TRAF5: variants seen among roughly 807,000 people sequenced by gnomAD.
TRAF5 encodes TNF receptor associated factor 5, also known as TNF receptor-associated factor 5.
TRAF5 carries 48 observed loss-of-function variants against 64.5 expected under a neutral mutation model. That is an observed-to-expected ratio of 0.74 (90% confidence interval 0.59 to 0.95). The LOEUF is 0.95. TRAF5 is among the 40% of genes least tolerant of loss of function. The probability of loss-of-function intolerance (pLI) is 0.00; values close to 1 mark genes in which losing one functional copy is unlikely to be tolerated. For missense variants in TRAF5, 545 were observed against 662.8 expected (o/e 0.82, Z 1.95); for synonymous variants, 206 against 240.5 (o/e 0.86, Z 1.33).
chr1:211,367,030 G>A (rs1483237035), intron 8 of TRAF5, among the ~76,000 whole-genome samples: 1 of 152,092 alleles, frequency 6.6e-6, no homozygotes, highest in African/African-American at 2.4e-5. Flanking sequence ...CACCCAGGCT[G>A]GAGTACACTG....
chr1:211,331,951 G>C (rs1163067001), intron 1 of TRAF5, among the ~76,000 whole-genome samples: 1 of 152,222 alleles, frequency 6.6e-6, no homozygotes, highest in African/African-American at 2.4e-5. Context: ...ACAGGTGTGA[G>C]CCACTGCACC....
intron 1 of TRAF5, among the ~76,000 whole-genome samples, chr1:211,344,845 C>G (rs964085946): frequency 2.0e-5 from 3 of 152,076 alleles, no homozygotes; most frequent in Non-Finnish European, 2.9e-5. Context: ...CCTCGACCTC[C>G]CAGGCCCAAG....
intron 5 of TRAF5, 81 bp downstream of exon 5, chr1:211,360,157 A>G: frequency 1.5e-6 from 2 of 1,375,704 alleles, no homozygotes; most frequent in South Asian, 2.6e-5. Flanking sequence ...GTGGAATGCC[A>G]GAAGAACATT....
chr1:211,352,461 A>AAT (rs1702816911), intron 1 of TRAF5, among the ~76,000 whole-genome samples: 2 of 143,510 alleles, frequency 1.4e-5, no homozygotes, highest in South Asian at 2.2e-4. Flanking sequence ...AAAAAAAAAA[A>AAT]GTTTTTTTTT....
At chr1:211,339,077 T>C (rs748220933) in intron 1 of TRAF5, among the ~76,000 whole-genome samples, 3 of 152,172 alleles carry the variant, frequency 2.0e-5, no homozygotes, top group Non-Finnish European at 4.4e-5. Context: ...TGTAGAGCAC[T>C]GGCTTCGGAG....
In TRAF5 at chr1:211,372,619, G is replaced by C. The variant is rs770481069; in HGVS notation, c.1591G>C (p.Glu531Gln). Residue 531 changes from glutamate to glutamine, a missense_variant, in exon 11 of 11, where the codon GAG (glutamate) becomes CAG (glutamine). Physicochemically the swap from Glu to Gln is conservative, Grantham distance 29 (BLOSUM62 2). Coordinates refer to ENST00000261464, the MANE Select transcript of TRAF5 (RefSeq NM_001033910.3). ...CPRFVAHSVL[E>Q]NAKNAYIKDD... ...CCGCTTTGTGGCTCATTCTGTTTTG[G>C]AGAATGCCAAGAACGCCTACATTAA... 9 of 1,614,058 alleles carry C rather than the reference G, an allele frequency of 5.6e-6. No homozygotes were observed. The highest frequency in any genetic ancestry group is 7.6e-6 in the Non-Finnish European group (9 of 1,180,036).
At chr1:211,326,676 A>G, upstream of TRAF5, 3 of 986,096 alleles carry the variant, frequency 3.0e-6, no homozygotes, top group South Asian at 1.4e-4. This position sits in a 1 kb window ranked among gnomAD's most constrained non-coding sequence, Gnocchi z 5.0. Context: ...TGAAGCGGGT[A>G]GGTTAGCTTT....
At chr1:211,329,500 A>C (rs944385528) in intron 1 of TRAF5, among the ~76,000 whole-genome samples, 4 of 152,210 alleles carry the variant, frequency 2.6e-5, no homozygotes, top group South Asian at 2.1e-4. Flanking sequence ...GAGGCTCAGA[A>C]GTGATTTGAA....
chr1:211,362,162 C>T (rs566220086), intron 7 of TRAF5, among the ~76,000 whole-genome samples: 1 of 152,132 alleles, frequency 6.6e-6, no homozygotes, highest in African/African-American at 2.4e-5. Context: ...TATGTTATTA[C>T]CTTTTAAATA....
rs1315136514 is a variant in TRAF5 at position 211,371,287 on chromosome 1, A to G, written c.931-15A>G. On this transcript the variant is annotated splice_polypyrimidine_tract_variant and intron_variant, in intron 9 of 10. Transcript: ENST00000261464. ...ACTAATTTTTTAAACATGATTATCC[A>G]TTTTGTAATGAAAGGTTTTTGCCAG... 6.4e-7 allele frequency: 1 copy of G among 1,568,054 alleles called. No homozygotes were observed. Among genetic ancestry groups the G allele is most frequent in the Middle Eastern group, 1.8e-4 (1 of 5,556 alleles).
chr1:211,353,431 C>T lies in TRAF5; in HGVS notation c.192C>T (p.Phe64=), dbSNP rs910196442. ...NPHQTGCGHR[F]CQHCILSLRE... is the part of the protein sequence containing the mutation. ...ACCAGACAGGATGTGGGCACCGCTTCTGCCAGCACTGCATCCTGTCCCTGA... is the reference window on the plus strand; with the variant it reads ...ACCAGACAGGATGTGGGCACCGCTTTTGCCAGCACTGCATCCTGTCCCTGA... Residue 64 remains phenylalanine, a synonymous_variant, in exon 2 of 11, where the codon TTC becomes TTT. Coordinates refer to ENST00000261464, the MANE Select transcript of TRAF5 (RefSeq NM_001033910.3). The T allele has an allele frequency of 1.5e-5, 24 of 1,613,586 alleles. No homozygotes were observed. The highest frequency in any genetic ancestry group is 1.9e-5 in the Non-Finnish European group (22 of 1,180,022).
Position 211,374,593 on chromosome 1 carries a change from G to A in TRAF5, c.*1891G>A, listed in dbSNP as rs529155842. On this transcript the variant is annotated 3_prime_UTR_variant, in exon 11 of 11. Transcript: ENST00000261464. ...ACTGCTGGTGAACTGTGGCACGGTTGCTCAACACATCACCTCGGACAAATT... is the reference window on the plus strand; with the variant it reads ...ACTGCTGGTGAACTGTGGCACGGTTACTCAACACATCACCTCGGACAAATT... 1 of 152,308 alleles carries A rather than the reference G, an allele frequency of 6.6e-6. No individual in the cohort carries two copies. Among genetic ancestry groups the A allele is most frequent in the South Asian group, 2.1e-4 (1 of 4,832 alleles). 9.4% of individuals were successfully genotyped at this position (152,308 alleles called of 1,614,324 possible).
intron 7 of TRAF5, among the ~76,000 whole-genome samples, chr1:211,362,803 A>G (rs1703227979): frequency 6.6e-6 from 1 of 152,242 alleles, no homozygotes; most frequent in Non-Finnish European, 1.5e-5. Context: ...TGATTTTAAA[A>G]AATACCATAA....
intron 1 of TRAF5, among the ~76,000 whole-genome samples, chr1:211,347,224 A>G (rs1490686856): frequency 6.6e-6 from 1 of 152,150 alleles, no homozygotes; most frequent in Non-Finnish European, 1.5e-5. Flanking sequence ...CCTGGGAATG[A>G]CAGAATACCA....
chr1:211,334,787 A>G (rs1178438516), intron 1 of TRAF5, among the ~76,000 whole-genome samples: 1 of 152,248 alleles, frequency 6.6e-6, no homozygotes, highest in Non-Finnish European at 1.5e-5. Context: ...GCCAGGGGCC[A>G]TCCTTGCGAG....
rs896879253 is a variant in TRAF5, at chr1:211,369,731, A to G, written c.930+139A>G. 2.0e-5 allele frequency: 20 copies of G among 999,400 alleles called. No individual in the cohort carries two copies. In the African/African-American group the frequency reaches 2.8e-4, roughly 14 times the overall value. 61.9% of individuals were successfully genotyped at this position (999,400 alleles called of 1,614,324 possible). A position where few individuals can be genotyped will look rare whatever the true frequency, so the allele number is the denominator to read the frequency against. On this transcript the variant is annotated intron_variant, in intron 9 of 10. Transcript: ENST00000261464. ...ATAAGATGGTGCAAAGAACACTTGT[A>G]TAACCTCCACCCTGATTCACTCATG...
At chr1:211,340,100 C>A (rs1372734617) in intron 1 of TRAF5, among the ~76,000 whole-genome samples, 2 of 152,094 alleles carry the variant, frequency 1.3e-5, no homozygotes, top group Non-Finnish European at 2.9e-5. Context: ...AGGTTTCTCC[C>A]CTTTCTTCAG....
intron 7 of TRAF5, 101 bp from the exon 8 acceptor site, chr1:211,365,275 A>T: frequency 2.0e-6 from 2 of 996,644 alleles, no homozygotes; most frequent in South Asian, 3.2e-5. Context: ...CTATTAAAGT[A>T]AGCAAAGTTG....
At chr1:211,372,092 T>G in intron 10 of TRAF5, 36 bp from the exon 11 acceptor site, 1 of 1,484,444 alleles carries the variant, frequency 6.7e-7, no homozygotes, top group Non-Finnish European at 9.0e-7. Flanking sequence ...CTTTTAGGCC[T>G]ATGGAATCTT....
Sources: gnomAD v4.1 joint callset for allele counts (sites outside exome capture counted in the v4.1 genomes callset) on GRCh38, gnomAD v4.1.1 for gene constraint, Gnocchi (gnomAD v3.1) non-coding constraint, MANE v1.5 for transcripts, NCBI Gene and HGNC (gene_info 2026-07-23, HGNC 2026-07-21) for gene names.